CYB5R4: variants seen among roughly 807,000 people sequenced by gnomAD.
The protein encoded by CYB5R4 is N-terminal cytochrome b5 and cytochrome b5 oxidoreductase domain-containing protein.
Under a neutral mutation model 70.2 loss-of-function variants are expected in CYB5R4, and 55 were observed. The observed-to-expected ratio is 0.78, with a 90% CI of 0.63 to 0.98. CYB5R4 has a LOEUF of 0.98. Ranked by LOEUF, CYB5R4 falls within the 50% of genes least tolerant of loss-of-function variation. The probability of loss-of-function intolerance (pLI) is 0.00; values close to 1 mark genes in which losing one functional copy is unlikely to be tolerated. For missense variants in CYB5R4, 562 were observed against 612.6 expected, an observed-to-expected ratio of 0.92 and a Z score of 0.87; for synonymous variants, 197 against 199.5, an observed-to-expected ratio of 0.99 and a Z score of 0.11.
intron 3 of CYB5R4, among the ~76,000 whole-genome samples, chr6:83,905,864 C>T (rs1421921314): frequency 1.3e-5 from 2 of 152,060 alleles, no homozygotes; most frequent in South Asian, 4.1e-4. Context: ...CTGCGCAGGC[C>T]AGTCTCTAAC....
At chr6:83,877,292 A>G (rs948789256) in intron 2 of CYB5R4, among the ~76,000 whole-genome samples, 57 of 152,186 alleles carry the variant, frequency 3.7e-4, no homozygotes, top group African/African-American at 1.3e-3. Flanking sequence ...ATGTCACCCT[A>G]TCGTCTAGTT....
Position 83,861,948 on chromosome 6 carries a change from T to C in CYB5R4, c.75+2091T>C, listed in dbSNP as rs1402289829. ...TTAACCCACGGTAAAATTAGTTTCGTTGTACATAGTTTAGTTTCCAAGCAC... is the reference window on the plus strand; with the variant it reads ...TTAACCCACGGTAAAATTAGTTTCGCTGTACATAGTTTAGTTTCCAAGCAC... On this transcript the variant is annotated intron_variant, in intron 1 of 15. Transcript: ENST00000369681. Among the ~76,000 whole-genome samples, 4 of 152,206 alleles carry C rather than the reference T, an allele frequency of 2.6e-5. No homozygotes were observed. In the East Asian group the frequency reaches 7.7e-4, roughly 29 times the overall value.
chr6:83,920,684 A>G (rs2099466228), intron 7 of CYB5R4, among the ~76,000 whole-genome samples: 1 of 139,014 alleles, frequency 7.2e-6, no homozygotes, highest in Non-Finnish European at 1.5e-5. Context: ...ACATTACAGG[A>G]AAGATAAAGA....
At chr6:83,940,337 C>T (rs2099469551) in intron 13 of CYB5R4, 131 bp downstream of exon 13, 2 of 1,095,142 alleles carry the variant, frequency 1.8e-6, no homozygotes, top group Non-Finnish European at 2.5e-6. Flanking sequence ...CTTACTTTGC[C>T]TCCTCTAATC....
chr6:83,924,522 G>A lies in CYB5R4; in HGVS notation c.744G>A (p.Glu248=). Residue 248 remains glutamate, a synonymous_variant, in exon 10 of 16, where the codon GAG becomes GAA. Transcript: ENST00000369681. ...TAGAGATTGTTCTACAAAAAAAAGA[G>A]AATACTTCTTGGGACTTTCTTGGCC... ...GKIEIVLQKK[E]NTSWDFLGHP... is the part of the protein sequence containing the mutation. 6.2e-7 allele frequency: 1 copy of A among 1,613,512 alleles called. No individual in the cohort carries two copies. The highest frequency in any genetic ancestry group is 8.5e-7 in the Non-Finnish European group (1 of 1,179,590).
chr6:83,945,479 A>G (rs904220316), intron 14 of CYB5R4, among the ~76,000 whole-genome samples: 1 of 152,216 alleles, frequency 6.6e-6, no homozygotes. Context: ...GGAAAGATCT[A>G]AAATCGACAC....
At chr6:83,902,247 A>G (rs1002575676) in intron 3 of CYB5R4, among the ~76,000 whole-genome samples, 22 of 151,912 alleles carry the variant, frequency 1.4e-4, no homozygotes. Flanking sequence ...TGGATATCCA[A>G]TTTTCCCAGC....
rs1300473183 is a variant in CYB5R4, at chr6:83,912,364, A to G, written c.413-2052A>G. On this transcript the variant is annotated intron_variant, in intron 4 of 15. Coordinates refer to ENST00000369681, the MANE Select transcript of CYB5R4 (RefSeq NM_016230.4). ...TTATGTCAATATCGCTGTTAAGATG[A>G]TCAATAGATGTTTATTAAAGAATGA... 2.6e-5 allele frequency among the ~76,000 whole-genome samples: 4 copies of G among 152,332 alleles called. No homozygotes were observed. The East Asian group carries it at 5.8e-4, about 22-fold the overall frequency.
chr6:83,908,991 A>G lies in CYB5R4; in HGVS notation c.331-18A>G. On this transcript the variant is annotated intron_variant, in intron 3 of 15. Coordinates refer to ENST00000369681, the MANE Select transcript of CYB5R4 (RefSeq NM_016230.4). ...GAGTTAGTCATGTTGCTTTTCCATC[A>G]TTTGTTTTACATACCAGGTTCATCG... 2 of 1,609,980 alleles carry G rather than the reference A, an allele frequency of 1.2e-6. No homozygotes were observed. Among genetic ancestry groups the G allele is most frequent in the Admixed American group, 1.7e-5 (1 of 59,928 alleles).
chr6:83,954,915 G>GTTT (rs567638162), intron 14 of CYB5R4, among the ~76,000 whole-genome samples: 1 of 145,872 alleles, frequency 6.9e-6, no homozygotes. Flanking sequence ...TTGTTTTTGG[G>GTTT]TTTTTTTTTT....
At chr6:83,914,935 T>C (rs1264159878) in intron 5 of CYB5R4, among the ~76,000 whole-genome samples, 1 of 152,052 alleles carries the variant, frequency 6.6e-6, no homozygotes, top group Non-Finnish European at 1.5e-5. Context: ...CAGCCATTAC[T>C]CTTATCGTCG....
Position 83,897,179 on chromosome 6 carries a change from C to T in CYB5R4, c.330+3557C>T, listed in dbSNP as rs544656955. ...TGCGGTGTTTGGTTTTTTGTCCTTG[C>T]GATAGTTTGCTGAGAATGATGGTTT... On this transcript the variant is annotated intron_variant, in intron 3 of 15. Transcript: ENST00000369681. Among the ~76,000 whole-genome samples, 83 of 151,876 alleles carry T rather than the reference C, an allele frequency of 5.5e-4. 1 individual carries two copies. Among genetic ancestry groups the T allele is most frequent in the African/African-American group, 1.7e-3 (70 of 41,378 alleles).
intron 14 of CYB5R4, among the ~76,000 whole-genome samples, chr6:83,944,342 A>G (rs1280950159): frequency 6.6e-6 from 1 of 152,238 alleles, no homozygotes; most frequent in Non-Finnish European, 1.5e-5. Flanking sequence ...ATTAAGCTTC[A>G]TAAGCAAAGG....
chr6:83,866,858 GTCC>G (rs1393222376), intron 2 of CYB5R4, among the ~76,000 whole-genome samples: 3 of 151,968 alleles, frequency 2.0e-5, no homozygotes, highest in Non-Finnish European at 2.9e-5. Context: ...GTCTCAAGCA[GTCC>G]TCCTGCCTCA....
intron 14 of CYB5R4, among the ~76,000 whole-genome samples, chr6:83,952,646 A>G (rs887019972): frequency 6.6e-6 from 1 of 152,162 alleles, no homozygotes; most frequent in Non-Finnish European, 1.5e-5. Flanking sequence ...TAAACCTTAT[A>G]TCAGTTTTAG....
intron 2 of CYB5R4, among the ~76,000 whole-genome samples, chr6:83,881,543 T>C (rs1405689412): frequency 6.6e-6 from 1 of 152,236 alleles, no homozygotes. Context: ...GCCTGGAATC[T>C]AATTCCTGTA....
intron 6 of CYB5R4, 101 bp from the exon 7 acceptor site, chr6:83,919,296 C>G: frequency 1.6e-6 from 1 of 636,698 alleles, no homozygotes. Context: ...TAGAGAAATA[C>G]AGATATGTCT....
Position 83,955,353 on chromosome 6 carries a change from G to A in CYB5R4, c.1402G>A (p.Gly468Arg). 1 of 1,613,724 alleles carries A rather than the reference G, an allele frequency of 6.2e-7. No homozygotes were observed. Among genetic ancestry groups the A allele is most frequent in the Non-Finnish European group, 8.5e-7 (1 of 1,179,828 alleles). The change falls in exon 15 of 16, where the codon GGA (glycine) becomes AGA (arginine). Residue 468 changes from glycine to arginine, a missense_variant. Coordinates refer to ENST00000369681, the MANE Select transcript of CYB5R4 (RefSeq NM_016230.4). ...TATTTCTGAATGGAATGGCAAACAG[G>A]GACATATTTCACCAGCTCTTCTTTC... ...APISEWNGKQ[G>R]HISPALLSEF...
In CYB5R4 at chr6:83,918,066, G is replaced by A. The variant is rs563992791; in HGVS notation, c.506+1G>A. On this transcript the variant is annotated splice_donor_variant, in intron 6 of 15. Coordinates refer to ENST00000369681, the MANE Select transcript of CYB5R4 (RefSeq NM_016230.4). LOFTEE classifies it high-confidence loss of function. ...CCAAAGAAGGTCCTAGTTATCCAAG[G>A]TATGCATTCTTATTTAAAATTTTTA... 6.2e-7 allele frequency: 1 copy of A among 1,605,742 alleles called. No homozygotes were observed. Among genetic ancestry groups the A allele is most frequent in the African/African-American group, 1.3e-5 (1 of 74,868 alleles).
Sources: gnomAD v4.1 joint callset for allele counts (sites outside exome capture counted in the v4.1 genomes callset) on GRCh38, gnomAD v4.1.1 for gene constraint, MANE v1.5 for transcripts, NCBI Gene and HGNC (gene_info 2026-07-23, HGNC 2026-07-21) for gene names.